The following OPCML variants were observed in gnomAD, a reference collection of about 807,000 sequenced individuals.
OPCML encodes the protein opioid-binding protein/cell adhesion molecule.
OPCML carries 13 observed loss-of-function variants against 37.8 expected under a neutral mutation model. The ratio of observed to expected loss-of-function variants is 0.34; its 90% confidence interval spans 0.22 to 0.55. OPCML has a LOEUF of 0.55. OPCML is among the 20% of genes least tolerant of loss of function. The probability of loss-of-function intolerance (pLI) is 0.91; values close to 1 mark genes in which losing one functional copy is unlikely to be tolerated. For missense variants in OPCML, 341 were observed against 435.6 expected, an observed-to-expected ratio of 0.78 and a Z score of 1.93; for synonymous variants, 176 against 168.8, an observed-to-expected ratio of 1.04 and a Z score of -0.33.
chr11:133,344,348 A>C lies in OPCML; in HGVS notation c.61+187916T>G, dbSNP rs1157058815. Among the ~76,000 whole-genome samples, 8 of 152,326 alleles carry C rather than the reference A, an allele frequency of 5.3e-5. No homozygotes were observed. In the East Asian group the frequency reaches 1.2e-3, roughly 22 times the overall value. On this transcript the variant is annotated intron_variant, in intron 1 of 7. Transcript: ENST00000524381. ...AAAAGGGTGCATTACCTACTGCTATAGTCCTGGCACGGCTTCCCTCCTTAA... is the reference window on the plus strand; with the variant it reads ...AAAAGGGTGCATTACCTACTGCTATCGTCCTGGCACGGCTTCCCTCCTTAA...
chr11:133,121,411 C>T (rs141643039), intron 1 of OPCML, among the ~76,000 whole-genome samples: 117 of 152,298 alleles, frequency 7.7e-4, no homozygotes, highest in Admixed American at 4.5e-3. Flanking sequence ...GTATTCGTTA[C>T]GATAGATAAA....
chr11:133,265,812 A>G (rs1382046390), intron 1 of OPCML, among the ~76,000 whole-genome samples: 3 of 152,200 alleles, frequency 2.0e-5, no homozygotes. Flanking sequence ...TTGCTGCTGC[A>G]GTCCCACAAA....
intron 2 of OPCML, among the ~76,000 whole-genome samples, chr11:132,935,451 C>CTT (rs1565351752): frequency 6.6e-6 from 1 of 152,160 alleles, no homozygotes; most frequent in Non-Finnish European, 1.5e-5. Flanking sequence ...AGCCAGAAAA[C>CTT]TTAACAACCA....
chr11:133,144,554 C>G (rs1328596201), intron 1 of OPCML, among the ~76,000 whole-genome samples: 1 of 152,208 alleles, frequency 6.6e-6, no homozygotes, highest in Non-Finnish European at 1.5e-5. Flanking sequence ...TTCAGCTGTG[C>G]TTTCGGCACA....
chr11:133,347,822 G>T (rs1281737201), intron 1 of OPCML, among the ~76,000 whole-genome samples: 3 of 152,164 alleles, frequency 2.0e-5, no homozygotes, highest in Non-Finnish European at 4.4e-5. Flanking sequence ...GATCAAGGAT[G>T]AGACAAGAAA....
chr11:132,809,729 A>C (rs1351412182), intron 2 of OPCML, among the ~76,000 whole-genome samples: 1 of 152,126 alleles, frequency 6.6e-6, no homozygotes, highest in Non-Finnish European at 1.5e-5. Context: ...TGGTCTCTGA[A>C]TAGTTCACAT....
intron 1 of OPCML, among the ~76,000 whole-genome samples, chr11:133,102,085 T>C (rs1949091859): frequency 6.6e-6 from 1 of 152,222 alleles, no homozygotes. Context: ...AGGTAGGTTT[T>C]TAGGGCAGTA....
chr11:132,504,335 C>G (rs1032641384), intron 4 of OPCML, among the ~76,000 whole-genome samples: 3 of 151,274 alleles, frequency 2.0e-5, no homozygotes, highest in African/African-American at 4.9e-5. Flanking sequence ...ATTAACAATA[C>G]AAGCGCTGAC....
chr11:133,455,437 G>T lies in OPCML; in HGVS notation c.61+76827C>A, dbSNP rs776883205. Among the ~76,000 whole-genome samples, 5 of 152,218 alleles carry T rather than the reference G, an allele frequency of 3.3e-5. No individual in the cohort carries two copies. In the South Asian group the frequency reaches 8.3e-4, roughly 25 times the overall value. On this transcript the variant is annotated intron_variant, in intron 1 of 7. Transcript: ENST00000524381. ...TTTTTGCATCTAATGAATGTTCTCA[G>T]TTAGAAAAATCAAACCCTACCAAAG...
intron 1 of OPCML, among the ~76,000 whole-genome samples, chr11:133,185,493 G>T (rs1433011416): frequency 1.3e-5 from 2 of 152,194 alleles, no homozygotes; most frequent in Non-Finnish European, 2.9e-5. Flanking sequence ...TCATAGGAAG[G>T]ACAAAATGGT....
chr11:133,411,889 A>G (rs1047900447), intron 1 of OPCML, among the ~76,000 whole-genome samples: 1 of 152,118 alleles, frequency 6.6e-6, no homozygotes, highest in Non-Finnish European at 1.5e-5. Context: ...TGTAAGATAA[A>G]AATTAGGGAA....
intron 1 of OPCML, among the ~76,000 whole-genome samples, chr11:133,191,504 G>GGTGTGGGT (rs1555111879): frequency 1.7e-4 from 24 of 142,454 alleles, no homozygotes; most frequent in Non-Finnish European, 3.1e-4. Context: ...TGTGTGTGTG[G>GGTGTGGGT]GTGTGTGTGT....
chr11:133,237,178 T>C (rs926388910), intron 1 of OPCML, among the ~76,000 whole-genome samples: 1 of 152,196 alleles, frequency 6.6e-6, no homozygotes, highest in Non-Finnish European at 1.5e-5. Flanking sequence ...CTCTTGCTTC[T>C]TGTTTCAAAG....
intron 1 of OPCML, among the ~76,000 whole-genome samples, chr11:132,958,933 C>T (rs1473534558): frequency 3.3e-5 from 5 of 152,224 alleles, no homozygotes; most frequent in South Asian, 2.1e-4. Flanking sequence ...ACACAACCTC[C>T]GTTCCGTAGC....
intron 4 of OPCML, among the ~76,000 whole-genome samples, chr11:132,463,464 A>G (rs1439403845): frequency 6.6e-6 from 1 of 152,198 alleles, no homozygotes; most frequent in East Asian, 1.9e-4. Context: ...AAAATGCAGA[A>G]TCTCAGATCC....
chr11:133,494,305 C>A (rs1320982200), intron 1 of OPCML, among the ~76,000 whole-genome samples: 1 of 151,720 alleles, frequency 6.6e-6, no homozygotes, highest in Non-Finnish European at 1.5e-5. Context: ...TTGTGGAAGT[C>A]AGTGTGGCGA....
chr11:133,402,144 T>C (rs538726227), intron 1 of OPCML, among the ~76,000 whole-genome samples: 5 of 152,240 alleles, frequency 3.3e-5, no homozygotes, highest in Non-Finnish European at 5.9e-5. Context: ...AAGTCCAAGG[T>C]TGGGGGCATG....
chr11:132,933,247 T>G (rs563363090), intron 2 of OPCML, among the ~76,000 whole-genome samples: 2 of 152,170 alleles, frequency 1.3e-5, no homozygotes, highest in Admixed American at 6.5e-5. Flanking sequence ...ATGACTCACA[T>G]TGGCTTTTCC....
At chr11:133,475,264 G>A (rs539181324) in intron 1 of OPCML, among the ~76,000 whole-genome samples, 6 of 150,434 alleles carry the variant, frequency 4.0e-5, no homozygotes, top group East Asian at 1.9e-4. Flanking sequence ...CTAGCATCAC[G>A]TCCAAGACAA....
Sources: allele counts gnomAD v4.1 joint callset (sites outside exome capture counted in the v4.1 genomes callset), GRCh38; gene constraint gnomAD v4.1.1; transcripts MANE v1.5; gene names NCBI Gene and HGNC (gene_info 2026-07-23, HGNC 2026-07-21).